Variants in BNC2 observed in about 807,000 individuals in gnomAD.
The protein encoded by BNC2 is basonuclin zinc finger protein 2.
BNC2 carries 20 observed loss-of-function variants against 76.3 expected under a neutral mutation model. The ratio of observed to expected loss-of-function variants is 0.26; its 90% CI spans 0.18 to 0.38. The LOEUF (loss-of-function observed/expected upper bound fraction) is 0.38, where lower values mean the gene tolerates loss of function less well. Ranked by LOEUF, BNC2 falls within the 10% of genes least tolerant of loss-of-function variation. The pLI, the probability that BNC2 is intolerant of heterozygous loss-of-function variation, is 1.00. For synonymous variants in BNC2, 582 were observed against 514.8 expected (o/e 1.13, Z -1.77); for missense variants, 1,382 against 1,399.8 (o/e 0.99, Z 0.20).
chr9:16,643,976 A>T (rs1053271251), intron 3 of BNC2, among the ~76,000 whole-genome samples: 2 of 152,168 alleles, frequency 1.3e-5, no homozygotes, highest in Non-Finnish European at 2.9e-5. Context: ...GGAATGGGGT[A>T]GGGCTACACC....
chr9:16,470,699 C>T (rs1335774188), intron 5 of BNC2, among the ~76,000 whole-genome samples: 1 of 152,218 alleles, frequency 6.6e-6, no homozygotes, highest in Non-Finnish European at 1.5e-5. Flanking sequence ...TTCTACATGG[C>T]GTTCTGTGCG....
chr9:16,639,697 G>A (rs961313764), intron 3 of BNC2, among the ~76,000 whole-genome samples: 1 of 152,006 alleles, frequency 6.6e-6, no homozygotes, highest in East Asian at 1.9e-4. Context: ...CAGGAAGACC[G>A]CTTGAGCCCA....
At chr9:16,776,252 T>C (rs754988620) in intron 1 of BNC2, among the ~76,000 whole-genome samples, 1 of 152,116 alleles carries the variant, frequency 6.6e-6, no homozygotes, top group Non-Finnish European at 1.5e-5. Flanking sequence ...GCGATTCTCC[T>C]CTCTCAGTCT....
At chr9:16,473,229 A>C (rs938544981) in intron 5 of BNC2, 4 of 152,228 alleles carry the variant, frequency 2.6e-5, no homozygotes, top group African/African-American at 9.6e-5. Context: ...GCCATGGACG[A>C]AGAGTCAGAA....
chr9:16,514,742 G>A (rs1043223817), intron 5 of BNC2, among the ~76,000 whole-genome samples: 1 of 152,138 alleles, frequency 6.6e-6, no homozygotes, highest in African/African-American at 2.4e-5. Context: ...ACCAGGAACT[G>A]TTGTTAGCAA....
chr9:16,678,265 T>C (rs10962537), intron 3 of BNC2, among the ~76,000 whole-genome samples: 9,240 of 129,938 alleles, frequency 0.071, 1,089 homozygotes, highest in East Asian at 0.48. Context: ...TTCTTTCTTT[T>C]TCTTTTTTTT....
At chr9:16,455,578 G>A (rs1332200303) in intron 5 of BNC2, among the ~76,000 whole-genome samples, 1 of 152,176 alleles carries the variant, frequency 6.6e-6, no homozygotes, top group Non-Finnish European at 1.5e-5. Flanking sequence ...ATCACCTGAG[G>A]TCAGGAGTTT....
At chr9:16,865,599 G>A (rs954386235) in intron 1 of BNC2, among the ~76,000 whole-genome samples, 3 of 152,014 alleles carry the variant, frequency 2.0e-5, no homozygotes, top group Admixed American at 6.6e-5. Flanking sequence ...GTATTCCTTA[G>A]GAAGTTTATT....
chr9:16,605,203 C>T (rs1235474526), intron 3 of BNC2, among the ~76,000 whole-genome samples: 1 of 152,132 alleles, frequency 6.6e-6, no homozygotes, highest in African/African-American at 2.4e-5. Flanking sequence ...AGGAAATTAT[C>T]CTAAAGATTT....
chr9:16,783,369 A>G (rs1826203681), intron 1 of BNC2, among the ~76,000 whole-genome samples: 1 of 152,200 alleles, frequency 6.6e-6, no homozygotes, highest in Non-Finnish European at 1.5e-5. Context: ...AAATACTCAG[A>G]CAACCAAAAT....
chr9:16,764,215 T>A (rs1347196012), intron 1 of BNC2, among the ~76,000 whole-genome samples: 1 of 152,200 alleles, frequency 6.6e-6, no homozygotes, highest in Admixed American at 6.5e-5. Flanking sequence ...TTTTAAAACA[T>A]GTTTGCATAC....
At chr9:16,615,019 T>G (rs1820660328) in intron 3 of BNC2, among the ~76,000 whole-genome samples, 5 of 142,054 alleles carry the variant, frequency 3.5e-5, no homozygotes, top group Admixed American at 7.1e-5. Context: ...AGCAGGCCAG[T>G]TACCTTTCCA....
chr9:16,604,848 A>C (rs1820337446), intron 3 of BNC2, among the ~76,000 whole-genome samples: 1 of 152,188 alleles, frequency 6.6e-6, no homozygotes, highest in Non-Finnish European at 1.5e-5. Context: ...ATTAATTTTT[A>C]TGCTATGTGA....
chr9:16,700,693 C>T (rs147149686), intron 3 of BNC2, among the ~76,000 whole-genome samples: 2,576 of 152,238 alleles, frequency 0.017, 41 homozygotes, highest in South Asian at 0.052. Context: ...GGTGCAGTGG[C>T]TCATGCCTGT....
chr9:16,781,751 T>C (rs1826160278), intron 1 of BNC2, among the ~76,000 whole-genome samples: 1 of 152,188 alleles, frequency 6.6e-6, no homozygotes, highest in African/African-American at 2.4e-5. Flanking sequence ...GATGTATAAA[T>C]GAATAATAGT....
chr9:16,836,110 T>C (rs1347232732), intron 1 of BNC2, among the ~76,000 whole-genome samples: 3 of 152,158 alleles, frequency 2.0e-5, no homozygotes, highest in African/African-American at 7.2e-5. Context: ...AGAAATTGCC[T>C]CTCACGCTAT....
At chr9:16,653,105 T>C (rs1216294005) in intron 3 of BNC2, among the ~76,000 whole-genome samples, 2 of 152,192 alleles carry the variant, frequency 1.3e-5, no homozygotes, top group Non-Finnish European at 2.9e-5. Flanking sequence ...ATAAATGAAT[T>C]TTTTAAATGC....
intron 5 of BNC2, among the ~76,000 whole-genome samples, chr9:16,445,033 G>C (rs1821202789): frequency 1.3e-5 from 2 of 152,100 alleles, no homozygotes; most frequent in Admixed American, 1.3e-4. Flanking sequence ...CTATGTGCCT[G>C]CAAGTGTGTA....
intron 3 of BNC2, among the ~76,000 whole-genome samples, chr9:16,606,926 T>C (rs561508100): frequency 1.3e-5 from 2 of 152,180 alleles, no homozygotes; most frequent in East Asian, 1.9e-4. Flanking sequence ...GCCATCCACA[T>C]AATGTGTGAC....
Sources: allele counts gnomAD v4.1 joint callset (sites outside exome capture counted in the v4.1 genomes callset), GRCh38; gene constraint gnomAD v4.1.1; transcripts MANE v1.5; gene names NCBI Gene and HGNC (gene_info 2026-07-23, HGNC 2026-07-21).